BICDL1: variants seen among roughly 807,000 people sequenced by gnomAD.
BICDL1 encodes the protein BICD family-like cargo adapter 1.
BICDL1 carries 20 observed loss-of-function variants against 76.8 expected under a neutral mutation model. That is an observed-to-expected ratio of 0.26 (90% CI 0.18 to 0.38). BICDL1 has a LOEUF of 0.38. BICDL1 is among the 10% of genes least tolerant of loss of function. The pLI is 1.00. For synonymous variants in BICDL1, 383 were observed against 337.1 expected (o/e 1.14, Z -1.49); for missense variants, 700 against 798.6 (o/e 0.88, Z 1.49).
At chr12:120,019,692 C>T (rs1952140433) in intron 2 of BICDL1, among the ~76,000 whole-genome samples, 1 of 152,036 alleles carries the variant, frequency 6.6e-6, no homozygotes, top group South Asian at 2.1e-4. Flanking sequence ...TCAACAGATC[C>T]CCCTGCCTCA....
At chr12:120,016,218 A>AT (rs1446991243) in intron 2 of BICDL1, among the ~76,000 whole-genome samples, 1 of 152,208 alleles carries the variant, frequency 6.6e-6, no homozygotes, top group Admixed American at 6.5e-5. Context: ...CACTCGTGTT[A>AT]TAGCACATAA....
intron 2 of BICDL1, chr12:119,999,865 C>A (rs998645228): frequency 2.4e-6 from 1 of 416,360 alleles, no homozygotes; most frequent in African/African-American, 2.1e-5. Context: ...TCTCTGATAT[C>A]ATCCCTCAGC....
At chr12:120,019,138 T>G (rs1392287655) in intron 2 of BICDL1, 2 of 150,258 alleles carry the variant, frequency 1.3e-5, no homozygotes, top group Non-Finnish European at 2.9e-5. Context: ...TTGCTTAAGG[T>G]GAAGTGAACC....
intron 9 of BICDL1, chr12:120,091,805 G>C (rs948171036): frequency 1.0e-6 from 1 of 985,220 alleles, no homozygotes; most frequent in South Asian, 4.7e-5. Context: ...GGGAGGAGGA[G>C]TGGACAAGCT....
Position 120,094,285 on chromosome 12 carries a change from A to C in BICDL1, c.*1124A>C. 8.8e-6 allele frequency: 4 copies of C among 456,788 alleles called. No homozygotes were observed. In the Middle Eastern group the frequency reaches 1.3e-3, roughly 149 times the overall value. 28.3% of individuals were successfully genotyped at this position (456,788 alleles called of 1,614,324 possible). On this transcript the variant is annotated 3_prime_UTR_variant, in exon 10 of 10. Coordinates refer to ENST00000548673, the MANE Select transcript of BICDL1 (RefSeq NM_001367886.1). ...GTCTCCCTCCCTCCCTCACGTGGGG[A>C]AAGCACAGCAGGGATGCGCGGCAAG...
intron 2 of BICDL1, among the ~76,000 whole-genome samples, chr12:120,020,074 A>G (rs1384202169): frequency 2.0e-4 from 30 of 152,158 alleles, no homozygotes; most frequent in Admixed American, 2.0e-3. Flanking sequence ...ATGAAATACT[A>G]GTTAGTAGTA....
chr12:120,068,668 T>C (rs908943243), intron 4 of BICDL1, among the ~76,000 whole-genome samples: 1 of 152,160 alleles, frequency 6.6e-6, no homozygotes, highest in African/African-American at 2.4e-5. Flanking sequence ...ATACAAAATT[T>C]AGCTGGACAT....
At chr12:120,070,805 C>T (rs1265330758) in intron 4 of BICDL1, among the ~76,000 whole-genome samples, 1 of 151,112 alleles carries the variant, frequency 6.6e-6, no homozygotes, top group African/African-American at 2.4e-5. Flanking sequence ...AATCTCGGCT[C>T]ACTGTCACCT....
chr12:120,092,695 T>C (rs966404995), intron 9 of BICDL1: 2 of 985,158 alleles, frequency 2.0e-6, no homozygotes, highest in African/African-American at 1.7e-5. Flanking sequence ...GGAGTGCTAG[T>C]GTGGAGACTG....
intron 2 of BICDL1, among the ~76,000 whole-genome samples, chr12:120,005,987 C>A (rs995024033): frequency 6.6e-6 from 1 of 152,192 alleles, no homozygotes; most frequent in African/African-American, 2.4e-5. Context: ...TAGATACTAT[C>A]ATATTGCTCC....
chr12:120,061,923 A>G, intron 3 of BICDL1, 97 bp downstream of exon 3: 1 of 763,302 alleles, frequency 1.3e-6, no homozygotes. Flanking sequence ...ATCTCTACAG[A>G]AAGACATTTC....
intron 2 of BICDL1, among the ~76,000 whole-genome samples, chr12:120,002,246 G>T (rs1951773806): frequency 6.6e-6 from 1 of 152,086 alleles, no homozygotes; most frequent in Admixed American, 6.5e-5. Flanking sequence ...GATTACCTAT[G>T]TAAAGACCCT....
rs1036677960 is a variant in BICDL1, at chr12:120,027,246, G to A, written c.645+28510G>A. Among the ~76,000 whole-genome samples the A allele has an allele frequency of 1.3e-5, 2 of 151,794 alleles. 1 individual carries two copies. ...GGGGTTTCACTCTGTTGGCAAGGCT[G>A]GTCTCGAACTCATGATCCGCCTGCC... On this transcript the variant is annotated intron_variant, in intron 2 of 9. Transcript: ENST00000548673.
chr12:119,996,691 C>G (rs970746068), intron 1 of BICDL1, among the ~76,000 whole-genome samples: 2 of 152,108 alleles, frequency 1.3e-5, no homozygotes, highest in Non-Finnish European at 2.9e-5. Flanking sequence ...TACACACACA[C>G]ACACACACAC....
At chr12:120,092,765 T>C (rs1875089352) in intron 9 of BICDL1, 1 of 985,294 alleles carries the variant, frequency 1.0e-6, no homozygotes, top group Non-Finnish European at 1.2e-6. Flanking sequence ...GGAGTAACAC[T>C]GTTGAGGAGA....
chr12:120,089,629 G>A (rs935799780), intron 8 of BICDL1, among the ~76,000 whole-genome samples: 15 of 151,904 alleles, frequency 9.9e-5, no homozygotes, highest in Non-Finnish European at 2.2e-4. Context: ...TGATCCACCC[G>A]CCTCGGCCTC....
At chr12:120,088,910 C>T (rs1047701385) in intron 8 of BICDL1, among the ~76,000 whole-genome samples, 1 of 152,128 alleles carries the variant, frequency 6.6e-6, no homozygotes, top group Non-Finnish European at 1.5e-5. Flanking sequence ...GTGATCCGCC[C>T]GCCTTGGCCT....
Position 120,090,077 on chromosome 12 carries a change from C to T in BICDL1, c.1704+6C>T. 6.2e-7 allele frequency: 1 copy of T among 1,613,680 alleles called. No homozygotes were observed. On this transcript the variant is annotated splice_donor_region_variant and intron_variant, in intron 9 of 9. Transcript: ENST00000548673. ...AGCAGCTGGAAGCTTGGCAGGTAAA[C>T]TGGAGCCTGAGATCCAGGGCGAGAG...
intron 8 of BICDL1, among the ~76,000 whole-genome samples, chr12:120,085,081 T>C (rs747707852): frequency 2.0e-5 from 3 of 152,206 alleles, no homozygotes; most frequent in Non-Finnish European, 4.4e-5. Flanking sequence ...TTATTCTTGG[T>C]GAATCCCACA....
Sources: gnomAD v4.1 joint callset for allele counts (sites outside exome capture counted in the v4.1 genomes callset) on GRCh38, gnomAD v4.1.1 for gene constraint, MANE v1.5 for transcripts, NCBI Gene and HGNC (gene_info 2026-07-23, HGNC 2026-07-21) for gene names.